FXR1: variants seen among roughly 807,000 people sequenced by gnomAD.
FXR1 encodes the protein RNA-binding protein FXR1.
In FXR1, 15 loss-of-function variants were observed where a neutral mutation model predicts 84.0. The ratio of observed to expected loss-of-function variants is 0.18; its 90% CI spans 0.12 to 0.27. The LOEUF is 0.27. Among genes scored for constraint, FXR1 ranks in the 10% least tolerant of loss-of-function variants. FXR1 has a pLI of 1.00. For missense variants in FXR1, 480 were observed against 774.4 expected (o/e 0.62, Z 4.51); for synonymous variants, 245 against 250.7 (o/e 0.98, Z 0.21).
rs554808061 is a variant in FXR1 at position 180,979,756 on chromosome 3, T to A, written c.*3464T>A. The A allele has an allele frequency of 3.3e-5, 5 of 152,064 alleles. No homozygotes were observed. The highest frequency in any genetic ancestry group is 7.4e-5 in the Non-Finnish European group (5 of 67,956). The allele number at this position is 152,064 out of a possible 1,614,324, so 9.4% of individuals were successfully genotyped here. On this transcript the variant is annotated 3_prime_UTR_variant, in exon 17 of 17. Transcript: ENST00000357559. ...TCCATTACACTGAACAGTAGGAAAT[T>A]ACCACTTTTGTAAGGCTCAAAAATG...
chr3:180,926,502 A>AT (rs200360717), intron 1 of FXR1, among the ~76,000 whole-genome samples: 94 of 48,928 alleles, frequency 1.9e-3, no homozygotes, highest in Middle Eastern at 0.012. Context: ...ATATATATAT[A>AT]TATATTTTTT....
At chr3:180,935,089 G>A (rs561260179) in intron 2 of FXR1, 49 bp from the exon 3 acceptor site, 31 of 857,064 alleles carry the variant, frequency 3.6e-5, no homozygotes, top group South Asian at 1.7e-4. Context: ...AACACCAGGC[G>A]TAGACTATAT....
chr3:180,954,129 G>T, intron 9 of FXR1: 1 of 260,334 alleles, frequency 3.8e-6, no homozygotes. Flanking sequence ...TTCATCCCTT[G>T]GGATCTTCCC....
intron 2 of FXR1, among the ~76,000 whole-genome samples, chr3:180,934,061 C>T (rs1407811076): frequency 2.6e-5 from 4 of 152,146 alleles, no homozygotes; most frequent in South Asian, 4.1e-4. Context: ...TTGCAGTGAG[C>T]TGAGACGGCG....
At chr3:180,975,046 A>G (rs959126893) in intron 15 of FXR1, among the ~76,000 whole-genome samples, 2 of 149,750 alleles carry the variant, frequency 1.3e-5, no homozygotes, top group Admixed American at 1.4e-4. Context: ...CCACAACATT[A>G]GGGTCAACCA....
At chr3:180,955,932 C>A (rs1722700546) in intron 9 of FXR1, among the ~76,000 whole-genome samples, 1 of 152,166 alleles carries the variant, frequency 6.6e-6, no homozygotes, top group Non-Finnish European at 1.5e-5. Flanking sequence ...AGGAAATACA[C>A]ATTAGCAGTG....
At chr3:180,947,221 A>G (rs936246616) in intron 3 of FXR1, among the ~76,000 whole-genome samples, 8 of 151,888 alleles carry the variant, frequency 5.3e-5, no homozygotes, top group Non-Finnish European at 1.2e-4. Flanking sequence ...GCTAATTTTT[A>G]TATTTTAGTA....
At chr3:180,933,518 C>T (rs1377803007) in intron 2 of FXR1, 132 bp downstream of exon 2, 3 of 670,492 alleles carry the variant, frequency 4.5e-6, no homozygotes, top group Non-Finnish European at 8.0e-6. Context: ...GTTGTTTGAT[C>T]ATAAGTCTAG....
chr3:180,979,637 AT>A lies in FXR1; in HGVS notation c.*3348del, dbSNP rs1714514128. On this transcript the variant is annotated 3_prime_UTR_variant, in exon 17 of 17. Transcript: ENST00000357559. Reference sequence around the variant, plus strand: ...ATAACCCATGTTAATCTCTGATAGTATTTGGGTTTTATTTCAGGAGCTTTTG... The same window carrying A: ...ATAACCCATGTTAATCTCTGATAGTATTGGGTTTTATTTCAGGAGCTTTTG... 6.6e-6 allele frequency: 1 copy of A among 151,770 alleles called. No individual in the cohort carries two copies. The highest frequency in any genetic ancestry group is 2.4e-5 in the African/African-American group (1 of 41,326). The allele number at this position is 151,770 out of a possible 1,614,324, so 9.4% of individuals were successfully genotyped here. A position where few individuals can be genotyped will look rare whatever the true frequency, so the allele number is the denominator to read the frequency against.
chr3:180,926,163 A>G (rs552025710), intron 1 of FXR1, among the ~76,000 whole-genome samples: 1 of 152,270 alleles, frequency 6.6e-6, no homozygotes, highest in African/African-American at 2.4e-5. Context: ...TGCCAAATCT[A>G]GAGAGAAAAA....
At chr3:180,926,506 A>ATATATATTTTTTTTTTTTT (rs72192827) in intron 1 of FXR1, among the ~76,000 whole-genome samples, 5 of 124,392 alleles carry the variant, frequency 4.0e-5, no homozygotes, top group African/African-American at 1.5e-4. Context: ...ATATATATAT[A>ATATATATTTTTTTTTTTTT]TTTTTTTTTC....
intron 2 of FXR1, among the ~76,000 whole-genome samples, chr3:180,933,980 G>C (rs1427435634): frequency 1.1e-5 from 1 of 88,582 alleles, no homozygotes; most frequent in Non-Finnish European, 2.4e-5. Context: ...AGTCATGGTG[G>C]GGGGGCGCCT....
chr3:180,976,059 T>C (rs1448626834), intron 16 of FXR1, 63 bp from the exon 17 acceptor site: 2 of 1,305,064 alleles, frequency 1.5e-6, no homozygotes, highest in Non-Finnish European at 2.1e-6. Flanking sequence ...TATGTAGCTG[T>C]TTTCCTCCTC....
chr3:180,935,128 A>T lies in FXR1; in HGVS notation c.105-10A>T. The T allele has an allele frequency of 7.3e-7, 1 of 1,379,042 alleles. No homozygotes were observed. The allele number at this position is 1,379,042 out of a possible 1,614,324, so 85.4% of individuals were successfully genotyped here. A position where few individuals can be genotyped will look rare whatever the true frequency, so the allele number is the denominator to read the frequency against. Reference sequence around the variant, plus strand: ...TTTAAGTTGTTAATACACCTTTTCTAATCCTTCAGTTGGCAACCAGAACGC... The same window carrying T: ...TTTAAGTTGTTAATACACCTTTTCTTATCCTTCAGTTGGCAACCAGAACGC... On this transcript the variant is annotated splice_polypyrimidine_tract_variant and intron_variant, in intron 2 of 16. Transcript: ENST00000357559.
chr3:180,914,896 A>G (rs1473112106), intron 1 of FXR1: 2 of 982,826 alleles, frequency 2.0e-6, no homozygotes, highest in Non-Finnish European at 2.4e-6. Context: ...CCACTTGCAT[A>G]TGCACTTTGT....
chr3:180,913,216 T>C (rs1717452752), intron 1 of FXR1, among the ~76,000 whole-genome samples: 1 of 152,178 alleles, frequency 6.6e-6, no homozygotes, highest in Admixed American at 6.5e-5. Context: ...GCGGAATCTT[T>C]GGAATTCACC....
intron 8 of FXR1, among the ~76,000 whole-genome samples, 200 bp from the exon 9 acceptor site, chr3:180,953,561 AT>A (rs1264352922): frequency 1.3e-5 from 2 of 152,138 alleles, no homozygotes; most frequent in Admixed American, 1.3e-4. Context: ...GTACTGACTG[AT>A]TTGGGGTTTT....
At position 180,961,519 on chromosome 3, in the gene FXR1, C is replaced by A; in HGVS notation, c.1042C>A (p.Gln348Lys). The change falls in exon 11 of 17, where the codon CAG becomes AAG. Residue 348 changes from glutamine to lysine, a missense_variant. Gln to Lys is a moderately conservative substitution (Grantham distance 53). Transcript: ENST00000357559. ...CACTAAAGAAAGCATTGGAAATGTG[C>A]AGGTTCTTCTAGAGTATCATATTGC... ...VGTKESIGNVQVLLEYHIAYL... is the reference protein window; with the variant it reads ...VGTKESIGNVKVLLEYHIAYL... 1 of 1,562,194 alleles carries A rather than the reference C, an allele frequency of 6.4e-7. No homozygotes were observed. Among genetic ancestry groups the A allele is most frequent in the Non-Finnish European group, 8.8e-7 (1 of 1,133,762 alleles).
At chr3:180,935,677 C>T (rs1416928934) in intron 3 of FXR1, among the ~76,000 whole-genome samples, 5 of 152,160 alleles carry the variant, frequency 3.3e-5, no homozygotes, top group Admixed American at 1.3e-4. Flanking sequence ...AACTAGCTTT[C>T]TGCCTTCTAC....
Sources: allele counts gnomAD v4.1 joint callset (sites outside exome capture counted in the v4.1 genomes callset), GRCh38; gene constraint gnomAD v4.1.1; transcripts MANE v1.5; gene names NCBI Gene and HGNC (gene_info 2026-07-23, HGNC 2026-07-21).